MKLN1: variants seen among roughly 807,000 people sequenced by gnomAD.
MKLN1 encodes muskelin.
In MKLN1, 18 loss-of-function variants were observed where a neutral mutation model predicts 99.0. That is an observed-to-expected ratio of 0.18 (90% CI 0.13 to 0.27). The LOEUF (loss-of-function observed/expected upper bound fraction) is 0.27. Ranked by LOEUF, MKLN1 falls within the 10% of genes least tolerant of loss-of-function variation. The probability of loss-of-function intolerance (pLI) is 1.00; values close to 1 mark genes in which losing one functional copy is unlikely to be tolerated. For synonymous variants in MKLN1, 288 were observed against 293.2 expected, an observed-to-expected ratio of 0.98 and a Z score of 0.18; for missense variants, 621 against 875.9, an observed-to-expected ratio of 0.71 and a Z score of 3.67.
chr7:131,319,170 G>C (rs1798724885), intron 3 of MKLN1, among the ~76,000 whole-genome samples: 1 of 152,162 alleles, frequency 6.6e-6, no homozygotes, highest in Admixed American at 6.5e-5. Flanking sequence ...CAATATCCCT[G>C]ATGAACATCG....
At chr7:131,180,698 CAA>C (rs35667474) in intron 2 of MKLN1, among the ~76,000 whole-genome samples, 102 of 120,338 alleles carry the variant, frequency 8.5e-4, no homozygotes, top group East Asian at 1.1e-3. Context: ...GACTTGGTCT[CAA>C]AAAAAAAAAA....
chr7:131,336,588 A>G (rs909917546), intron 1 of MKLN1, among the ~76,000 whole-genome samples: 1 of 152,016 alleles, frequency 6.6e-6, no homozygotes, highest in East Asian at 1.9e-4. Flanking sequence ...TGTTAGTTAT[A>G]TATTCTGTTA....
chr7:131,190,460 A>G (rs528333849), intron 2 of MKLN1, among the ~76,000 whole-genome samples: 1,373 of 109,784 alleles, frequency 0.013, 11 homozygotes, highest in Middle Eastern at 0.05. Context: ...TGCAGCTCTG[A>G]AAAAAAAAAA....
intron 3 of MKLN1, among the ~76,000 whole-genome samples, chr7:131,216,225 C>T (rs978291602): frequency 1.3e-5 from 2 of 151,906 alleles, no homozygotes; most frequent in African/African-American, 2.4e-5. Context: ...CATGGTGAAA[C>T]TCCCTCTCTA....
At chr7:131,220,858 C>T (rs1270517239) in intron 3 of MKLN1, among the ~76,000 whole-genome samples, 3 of 151,930 alleles carry the variant, frequency 2.0e-5, no homozygotes, top group African/African-American at 7.3e-5. Context: ...AGGAAGTGGG[C>T]CAAAGTGCAG....
rs1339057308 is a variant in MKLN1, at chr7:131,225,059, A to C, written c.-179+22085A>C. ...CTGCAGTCCAGGCTGGGCAACAGAGAGACTGTGTCTCAAAAAAAAAAAAAA... is the reference window on the plus strand; with the variant it reads ...CTGCAGTCCAGGCTGGGCAACAGAGCGACTGTGTCTCAAAAAAAAAAAAAA... On this transcript the variant is annotated intron_variant, in intron 3 of 7. Coordinates refer to the MKLN1 transcript ENST00000416992. Among the ~76,000 whole-genome samples, 5 of 150,440 alleles carry C rather than the reference A, an allele frequency of 3.3e-5. No homozygotes were observed. In the East Asian group the frequency reaches 9.7e-4, roughly 29 times the overall value.
At chr7:131,400,919 G>A (rs1563330039) in intron 6 of MKLN1, among the ~76,000 whole-genome samples, 1 of 151,998 alleles carries the variant, frequency 6.6e-6, no homozygotes, top group Non-Finnish European at 1.5e-5. Flanking sequence ...GAATACTATG[G>A]GCTTTCTAAA....
intron 8 of MKLN1, among the ~76,000 whole-genome samples, chr7:131,423,424 C>G (rs752249612): frequency 5.3e-5 from 8 of 152,176 alleles, no homozygotes; most frequent in Non-Finnish European, 1.2e-4. Context: ...CCTCCACGTC[C>G]TGGGTTCAAG....
intron 2 of MKLN1, among the ~76,000 whole-genome samples, chr7:131,177,307 A>G (rs1230832808): frequency 6.6e-6 from 1 of 152,084 alleles, no homozygotes; most frequent in Non-Finnish European, 1.5e-5. Context: ...CTCTACTGAA[A>G]ATACAAAAAA....
chr7:131,286,349 A>G (rs557536651), intron 3 of MKLN1, among the ~76,000 whole-genome samples: 120 of 152,304 alleles, frequency 7.9e-4, no homozygotes, highest in Non-Finnish European at 1.5e-3. Flanking sequence ...TATTTTCTTA[A>G]TTATCCCCTG....
intron 3 of MKLN1, among the ~76,000 whole-genome samples, chr7:131,288,309 C>T (rs1016523035): frequency 1.3e-5 from 2 of 152,176 alleles, no homozygotes; most frequent in South Asian, 2.1e-4. Flanking sequence ...CTTCACAGTT[C>T]TAGCTCTTTC....
At chr7:131,234,604 C>A (rs1797289435) in intron 3 of MKLN1, among the ~76,000 whole-genome samples, 1 of 152,130 alleles carries the variant, frequency 6.6e-6, no homozygotes, top group Non-Finnish European at 1.5e-5. Context: ...GATGTGTGGA[C>A]TTAGGGATGA....
rs185425324 is a variant in MKLN1 at position 131,479,681 on chromosome 7, G to T, written c.2086+1004G>T. On this transcript the variant is annotated intron_variant, in intron 17 of 17. Transcript: ENST00000352689. The stretch of plus-strand genomic sequence containing the variant: ...CTCTACTAAAAATACCAAAAAATTA[G>T]CAGGGTGTGGTGGCGGGCGCCTGTA... Among the ~76,000 whole-genome samples the T allele has an allele frequency of 5.3e-5, 8 of 152,018 alleles. No homozygotes were observed. The East Asian group carries it at 1.5e-3, about 29-fold the overall frequency.
At chr7:131,347,975 C>G (rs1167088097) in intron 1 of MKLN1, among the ~76,000 whole-genome samples, 1 of 152,096 alleles carries the variant, frequency 6.6e-6, no homozygotes, top group Non-Finnish European at 1.5e-5. Context: ...GGTTTGTGAC[C>G]TGATGAACAT....
chr7:131,446,142 C>T (rs958342690), intron 12 of MKLN1, among the ~76,000 whole-genome samples: 4 of 151,978 alleles, frequency 2.6e-5, no homozygotes, highest in African/African-American at 4.8e-5. Flanking sequence ...TGTGTGTGTG[C>T]TTGTTGGGGG....
At position 131,487,819 on chromosome 7, in the gene MKLN1, T is replaced by C. The variant is rs967641659; in HGVS notation, c.*91T>C. 4.1e-6 allele frequency: 6 copies of C among 1,478,160 alleles called. No homozygotes were observed. Among genetic ancestry groups the C allele is most frequent in the South Asian group, 3.8e-5 (3 of 78,594 alleles). 91.6% of individuals were successfully genotyped at this position (1,478,160 alleles called of 1,614,324 possible). ...CCACTGACTGACAGTAAAGCTGCAG[T>C]GATTGAGGACTGCACCAGAGTTCTG... On this transcript the variant is annotated 3_prime_UTR_variant, in exon 18 of 18. Coordinates refer to ENST00000352689, the MANE Select transcript of MKLN1 (RefSeq NM_013255.5). The surrounding 1 kb of genome is among the most constrained non-coding windows in gnomAD (Gnocchi z 4.7).
intron 2 of MKLN1, among the ~76,000 whole-genome samples, chr7:131,182,082 C>T (rs1796385267): frequency 1.3e-5 from 2 of 151,932 alleles, no homozygotes; most frequent in South Asian, 2.1e-4. Flanking sequence ...TGCAGTGAGC[C>T]GAGATCGCAC....
At chr7:131,423,972 G>A (rs146555422) in intron 8 of MKLN1, among the ~76,000 whole-genome samples, 21 of 152,302 alleles carry the variant, frequency 1.4e-4, no homozygotes, top group African/African-American at 4.1e-4. Flanking sequence ...AAAAAGGGAG[G>A]CAGTGAATTC....
upstream of MKLN1, among the ~76,000 whole-genome samples, chr7:131,325,900 T>TGGG (rs67878395): frequency 5.2e-5 from 4 of 76,874 alleles, no homozygotes; most frequent in East Asian, 5.1e-4. Context: ...AGGAGAAAAG[T>TGGG]GGGGGGGGGG....
Sources: allele counts gnomAD v4.1 joint callset (sites outside exome capture counted in the v4.1 genomes callset), GRCh38; gene constraint gnomAD v4.1.1; non-coding constraint Gnocchi (gnomAD v3.1); transcripts MANE v1.5; gene names NCBI Gene and HGNC (gene_info 2026-07-23, HGNC 2026-07-21).